MGAM2: variants seen among roughly 807,000 people sequenced by gnomAD.
MGAM2 encodes probable maltase-glucoamylase 2.
MGAM2 carries 98 observed loss-of-function variants against 96.1 expected under a neutral mutation model. The ratio of observed to expected loss-of-function variants is 1.02; its 90% CI spans 0.87 to 1.21. MGAM2 has a LOEUF of 1.21. Among genes scored for constraint, MGAM2 ranks in the 50% most tolerant of loss-of-function variants. The pLI, the probability that MGAM2 is intolerant of heterozygous loss-of-function variation, is 0.00. For missense variants in MGAM2, 2,055 were observed against 1,182.4 expected, an observed-to-expected ratio of 1.74 and a Z score of -10.82; for synonymous variants, 749 against 414.8, an observed-to-expected ratio of 1.81 and a Z score of -9.79.
chr7:142,121,170 A>G lies in MGAM2; in HGVS notation c.186+789A>G, dbSNP rs980168969. ...CCATTTCAGTTCTTTTCATATATACATATATTTCTTTCTTTTCTTTTTTTT... is the reference window on the plus strand; with the variant it reads ...CCATTTCAGTTCTTTTCATATATACGTATATTTCTTTCTTTTCTTTTTTTT... On this transcript the variant is annotated intron_variant, in intron 3 of 47. Coordinates refer to ENST00000477922, the MANE Select transcript of MGAM2 (RefSeq NM_001293626.2). Among the ~76,000 whole-genome samples, 6 of 150,614 alleles carry G rather than the reference A, an allele frequency of 4.0e-5. No individual in the cohort carries two copies. The East Asian group carries it at 9.7e-4, about 24-fold the overall frequency.
intron 40 of MGAM2, 56 bp downstream of exon 40, chr7:142,196,872 T>G (rs918212461): frequency 2.5e-5 from 18 of 717,174 alleles, no homozygotes; most frequent in Non-Finnish European, 2.1e-5. Context: ...TAACTTCTTT[T>G]TAACCCCCAG....
At position 142,221,413 on chromosome 7, in the gene MGAM2, C is replaced by T; in HGVS notation, c.6902C>T (p.Thr2301Ile). The part of the protein sequence containing the change: ...TYYQTSPTIP[T>I]HTLTSIPSSI... ...TACCAGACTTCTCCTACCATTCCTA[C>T]CCATACTCTTACTTCTATTCCTAGC... Residue 2301 changes from threonine (T) to isoleucine (I), a missense_variant, in exon 48 of 48, where the codon ACC (threonine) becomes ATC (isoleucine). Physicochemically the swap from Thr to Ile is moderately conservative, Grantham distance 89. Coordinates refer to ENST00000477922, the MANE Select transcript of MGAM2 (RefSeq NM_001293626.2). The T allele has an allele frequency of 1.7e-6, 1 of 599,592 alleles. No individual in the cohort carries two copies. Among genetic ancestry groups the T allele is most frequent in the Non-Finnish European group, 3.0e-6 (1 of 337,872 alleles). The allele number at this position is 599,592 out of a possible 1,614,324, so 37.1% of individuals were successfully genotyped here.
intron 2 of MGAM2, 80 bp from the exon 3 acceptor site, chr7:142,120,222 G>A (rs1027578616): frequency 3.5e-5 from 24 of 683,374 alleles, no homozygotes; most frequent in Non-Finnish European, 4.5e-5. Context: ...TTGGCCAAAA[G>A]TCTGTAACTT....
At chr7:142,173,627 A>G (rs1796272429) in intron 31 of MGAM2, among the ~76,000 whole-genome samples, 1 of 152,234 alleles carries the variant, frequency 6.6e-6, no homozygotes, top group African/African-American at 2.4e-5. Flanking sequence ...TGGCTTATGC[A>G]CAAGTCTCTG....
intron 34 of MGAM2, among the ~76,000 whole-genome samples, chr7:142,185,471 G>T (rs1183549557): frequency 6.6e-6 from 1 of 152,044 alleles, no homozygotes; most frequent in Non-Finnish European, 1.5e-5. Flanking sequence ...TGAACAGACT[G>T]GATTTTAATA....
rs1357158653 is a variant in MGAM2 at position 142,167,270 on chromosome 7, CACATCTACT to C, written c.2812_2820del (p.Thr938_Thr940del). Reference sequence around the variant, plus strand: ...AAGACTTTCTCCTGTTATTCCAGGACACATCTACTCCTGGAGTGCCCACCTGTTACTATG... The same window carrying C: ...AAGACTTTCTCCTGTTATTCCAGGACCCTGGAGTGCCCACCTGTTACTATG... On this transcript the variant is annotated inframe_deletion, in exon 26 of 48. Transcript: ENST00000477922. 3.9e-5 allele frequency: 27 copies of C among 687,284 alleles called. No individual in the cohort carries two copies. Among genetic ancestry groups the C allele is most frequent in the Non-Finnish European group, 5.9e-5 (22 of 375,836 alleles). 42.6% of individuals were successfully genotyped at this position (687,284 alleles called of 1,614,324 possible).
At chr7:142,157,776 T>C (rs1017160134) in intron 17 of MGAM2, among the ~76,000 whole-genome samples, 161 bp from the exon 18 acceptor site, 5 of 152,220 alleles carry the variant, frequency 3.3e-5, no homozygotes, top group African/African-American at 1.2e-4. Flanking sequence ...TTCTCATGTA[T>C]AAAATGAAGG....
rs889103170 is a variant in MGAM2 at position 142,219,927 on chromosome 7, A to T, written c.5416A>T (p.Thr1806Ser). The change falls in exon 48 of 48, where the codon ACT becomes TCT. Residue 1806 changes from threonine (T) to serine (S), a missense_variant. Coordinates refer to ENST00000477922, the MANE Select transcript of MGAM2 (RefSeq NM_001293626.2). ...TINLEKLTEV[T>S]WIDGGPVLPT... ...CAACCTGGAAAAGTTAACTGAGGTT[A>T]CTTGGATTGATGGTGGTCCTGTACT... The T allele has an allele frequency of 4.3e-6, 3 of 702,814 alleles. No individual in the cohort carries two copies. Among genetic ancestry groups the T allele is most frequent in the Non-Finnish European group, 7.8e-6 (3 of 384,860 alleles). The allele number at this position is 702,814 out of a possible 1,614,324, so 43.5% of individuals were successfully genotyped here. A position where few individuals can be genotyped will look rare whatever the true frequency, so the allele number is the denominator to read the frequency against.
In MGAM2 at chr7:142,197,673, TA is replaced by T; in HGVS notation, c.4812del (p.Ile1604MetfsTer12). On this transcript the variant is annotated frameshift_variant, in exon 42 of 48. Transcript: ENST00000477922. LOFTEE classifies it high-confidence loss of function. ...ACGGATGACAGGACAACATGGGATATAGACCGTCAGTTCATGTTGGGCCCTG... is the reference window on the plus strand; with the variant it reads ...ACGGATGACAGGACAACATGGGATATGACCGTCAGTTCATGTTGGGCCCTG... Reference protein sequence around the residue: ...EFTDDRTTWDIDRQFMLGPAI... With the variant: ...EFTDDRTTWDXDRQFMLGPAI... 1.4e-6 allele frequency: 1 copy of T among 703,022 alleles called. No individual in the cohort carries two copies. Among genetic ancestry groups the T allele is most frequent in the South Asian group, 1.5e-5 (1 of 67,606 alleles). The allele number at this position is 703,022 out of a possible 1,614,324, so 43.5% of individuals were successfully genotyped here.
At chr7:142,166,948 C>T (rs1289185206) in intron 25 of MGAM2, among the ~76,000 whole-genome samples, 1 of 152,148 alleles carries the variant, frequency 6.6e-6, no homozygotes, top group Non-Finnish European at 1.5e-5. Context: ...CATCATCCCA[C>T]TCTCTGTCTT....
chr7:142,192,714 C>T (rs1796908224), intron 37 of MGAM2, among the ~76,000 whole-genome samples: 1 of 152,144 alleles, frequency 6.6e-6, no homozygotes, highest in Admixed American at 6.5e-5. Flanking sequence ...GGGAAATTTG[C>T]TTTTCACACA....
At position 142,134,749 on chromosome 7, in the gene MGAM2, C is replaced by A. The variant is rs60117404; in HGVS notation, c.747+597C>A. On this transcript the variant is annotated intron_variant, in intron 7 of 47. Coordinates refer to ENST00000477922, the MANE Select transcript of MGAM2 (RefSeq NM_001293626.2). ...ACTGCTCTGGATTAATGCCTCTCAG[C>A]TTATCTGGAGTGAAGGACTAGTTTC... Among the ~76,000 whole-genome samples the A allele has an allele frequency of 5.6e-3, 835 of 148,370 alleles. 12 individuals carry two copies. Among genetic ancestry groups the A allele is most frequent in the African/African-American group, 0.02 (799 of 40,330 alleles).
intron 35 of MGAM2, among the ~76,000 whole-genome samples, chr7:142,186,849 C>T (rs752741409): frequency 2.0e-5 from 3 of 152,152 alleles, no homozygotes; most frequent in Non-Finnish European, 2.9e-5. Context: ...GATAGTTAGG[C>T]ACAGAATAGA....
chr7:142,199,462 G>A (rs1409378055), intron 44 of MGAM2, among the ~76,000 whole-genome samples: 2 of 124,662 alleles, frequency 1.6e-5, no homozygotes, highest in East Asian at 2.3e-4. Flanking sequence ...TTAACTGGAG[G>A]ACAGATAAAG....
chr7:142,120,882 G>A (rs887627554), intron 3 of MGAM2, among the ~76,000 whole-genome samples: 1 of 152,172 alleles, frequency 6.6e-6, no homozygotes, highest in Non-Finnish European at 1.5e-5. Context: ...CAATGGATAC[G>A]TGCTAAGGAA....
intron 22 of MGAM2, 60 bp from the exon 23 acceptor site, chr7:142,161,895 A>G: frequency 1.6e-6 from 1 of 634,860 alleles, no homozygotes; most frequent in Non-Finnish European, 2.8e-6. Context: ...TGAAGAGAAG[A>G]GCAGGACTCC....
At position 142,186,087 on chromosome 7, in the gene MGAM2, G is replaced by A. The variant is rs1376833973; in HGVS notation, c.4086G>A (p.Glu1362=). The A allele has an allele frequency of 7.1e-6, 5 of 705,986 alleles. No homozygotes were observed. The highest frequency in any genetic ancestry group is 1.3e-5 in the Non-Finnish European group (5 of 385,116). 43.7% of individuals were successfully genotyped at this position (705,986 alleles called of 1,614,324 possible). ...AAGAGCTCTATGCAAACCCTCGAGA[G>A]CCAGAGAAGAGCTTGAAGTTTGATG... ...EIEELYANPR[E]PEKSLKFDGL... Residue 1362 remains glutamate, a synonymous_variant, in exon 35 of 48, where the codon GAG becomes GAA. Transcript: ENST00000477922.
chr7:142,161,297 T>A, intron 22 of MGAM2, 84 bp downstream of exon 22: 1 of 667,298 alleles, frequency 1.5e-6, no homozygotes, highest in Non-Finnish European at 2.7e-6. Flanking sequence ...AATATGGCAC[T>A]AACCCTATTA....
At chr7:142,159,390 G>T in intron 20 of MGAM2, 47 bp downstream of exon 20, 2 of 699,804 alleles carry the variant, frequency 2.9e-6, no homozygotes, top group South Asian at 3.0e-5. Context: ...CTCTAGCAGA[G>T]GGCAATTCTA....
Sources: gnomAD v4.1 joint callset for allele counts (sites outside exome capture counted in the v4.1 genomes callset) on GRCh38, gnomAD v4.1.1 for gene constraint, MANE v1.5 for transcripts, NCBI Gene and HGNC (gene_info 2026-07-23, HGNC 2026-07-21) for gene names.